PADI1: variants seen among roughly 807,000 people sequenced by gnomAD.
The protein encoded by PADI1 is peptidyl arginine deiminase 1.
In PADI1, 65 loss-of-function variants were observed where a neutral mutation model predicts 74.8. The observed-to-expected ratio is 0.87, with a 90% CI of 0.71 to 1.07. PADI1 has a LOEUF of 1.07. Among genes scored for constraint, PADI1 ranks in the 50% least tolerant of loss-of-function variants. PADI1 has a pLI of 0.00. For missense variants in PADI1, 943 were observed against 854.0 expected (o/e 1.10, Z -1.30); for synonymous variants, 371 against 336.2 (o/e 1.10, Z -1.13).
intron 1 of PADI1, among the ~76,000 whole-genome samples, chr1:17,217,104 G>T (rs1457067704): frequency 6.6e-6 from 1 of 152,028 alleles, no homozygotes; most frequent in Admixed American, 6.5e-5. Flanking sequence ...CAGGTGCGCT[G>T]GGGCCAGCCG....
intron 1 of PADI1, among the ~76,000 whole-genome samples, chr1:17,214,948 G>A (rs1385512653): frequency 2.0e-5 from 3 of 152,222 alleles, no homozygotes; most frequent in Admixed American, 6.5e-5. Context: ...CCCTCCTCCT[G>A]CCTCTTCCTG....
chr1:17,211,295 C>T (rs1174506008), intron 1 of PADI1, among the ~76,000 whole-genome samples: 2 of 152,076 alleles, frequency 1.3e-5, no homozygotes, highest in African/African-American at 4.8e-5. Flanking sequence ...CTGCAACCTC[C>T]GCCTCCCAGG....
chr1:17,237,027 A>G (rs1168603359), intron 11 of PADI1, among the ~76,000 whole-genome samples: 1 of 152,214 alleles, frequency 6.6e-6, no homozygotes, highest in African/African-American at 2.4e-5. Context: ...AGCACGCTTC[A>G]GATGTAACTT....
In PADI1 at chr1:17,244,058, G is replaced by A. The variant is rs1458490249; in HGVS notation, c.1807G>A (p.Gly603Arg). 11 of 1,614,084 alleles carry A rather than the reference G, an allele frequency of 6.8e-6. No individual in the cohort carries two copies. The highest frequency in any genetic ancestry group is 9.3e-6 in the Non-Finnish European group (11 of 1,180,040). Reference protein sequence around the residue: ...GKYLGIPKPYGPIINGRCCLE... With the variant: ...GKYLGIPKPYRPIINGRCCLE... The stretch of plus-strand genomic sequence containing the variant: ...GTACCTGGGCATCCCCAAGCCCTAC[G>A]GGCCCATCATCAATGGCCGCTGCTG... Residue 603 changes from glycine to arginine, a missense_variant, in exon 16 of 16, where the codon GGG becomes AGG. Transcript: ENST00000375471.
intron 15 of PADI1, among the ~76,000 whole-genome samples, chr1:17,243,360 G>T (rs1198424158): frequency 6.6e-6 from 1 of 152,198 alleles, no homozygotes; most frequent in African/African-American, 2.4e-5. Context: ...TCCCACAGGT[G>T]GCCAGATAAA....
At chr1:17,233,672 C>T (rs1238204883) in intron 11 of PADI1, among the ~76,000 whole-genome samples, 1 of 152,216 alleles carries the variant, frequency 6.6e-6, no homozygotes, top group Non-Finnish European at 1.5e-5. Flanking sequence ...GGAGATGACA[C>T]CCACTGTAAG....
chr1:17,223,598 A>G lies in PADI1; in HGVS notation c.274-23A>G, dbSNP rs1165598497. The G allele has an allele frequency of 1.9e-6, 3 of 1,602,048 alleles. No individual in the cohort carries two copies. The South Asian group carries it at 3.3e-5, about 18-fold the overall frequency. On this transcript the variant is annotated intron_variant, in intron 2 of 15. Transcript: ENST00000375471. ...CCATCTCTGAAGGTGATGGCCGTGC[A>G]GGCTTAGGGCTATGTTCTGCAGGTG...
At chr1:17,208,535 T>C (rs1434846287) in intron 1 of PADI1, among the ~76,000 whole-genome samples, 1 of 56,658 alleles carries the variant, frequency 1.8e-5, no homozygotes, top group Non-Finnish European at 3.3e-5. Flanking sequence ...CCCACCCCAG[T>C]AGGCTAGCCC....
intron 1 of PADI1, among the ~76,000 whole-genome samples, chr1:17,208,164 G>A (rs758051761): frequency 2.0e-5 from 3 of 152,222 alleles, no homozygotes; most frequent in Non-Finnish European, 2.9e-5. Flanking sequence ...AAGAGGAGGT[G>A]TTGCCAGTCA....
chr1:17,242,380 A>G (rs533285062), intron 15 of PADI1, among the ~76,000 whole-genome samples: 23 of 152,378 alleles, frequency 1.5e-4, no homozygotes, highest in Non-Finnish European at 7.3e-5. Flanking sequence ...GCTAGTGTCA[A>G]TGAAGAACAG....
chr1:17,222,184 G>A (rs1460364585), intron 1 of PADI1, 106 bp from the exon 2 acceptor site: 2 of 741,592 alleles, frequency 2.7e-6, no homozygotes, highest in Admixed American at 2.6e-5. Context: ...CTGTTGAGGG[G>A]TGCCATTTGA....
intron 13 of PADI1, among the ~76,000 whole-genome samples, chr1:17,239,363 AGAT>A (rs753529844): frequency 4.6e-5 from 7 of 152,202 alleles, no homozygotes; most frequent in Non-Finnish European, 8.8e-5. Flanking sequence ...TCTGAGTTGT[AGAT>A]GATAATTAAT....
chr1:17,226,289 G>T, intron 6 of PADI1, 131 bp downstream of exon 6: 1 of 966,500 alleles, frequency 1.0e-6, no homozygotes, highest in Non-Finnish European at 1.6e-6. Flanking sequence ...CACTCCATCA[G>T]TACCAAATAT....
chr1:17,227,235 C>CA (rs59052605), intron 6 of PADI1, among the ~76,000 whole-genome samples: 1,246 of 76,236 alleles, frequency 0.016, 24 homozygotes, highest in African/African-American at 0.047. Flanking sequence ...GACTTCATCT[C>CA]AAAAAAAAAA....
chr1:17,215,599 G>A (rs142102734), intron 1 of PADI1, among the ~76,000 whole-genome samples: 54 of 152,190 alleles, frequency 3.5e-4, no homozygotes, highest in African/African-American at 1.3e-3. Context: ...TGCCAGCTGG[G>A]TGCCCTGGGC....
At chr1:17,206,683 C>CTTT (rs796276122) in intron 1 of PADI1, among the ~76,000 whole-genome samples, 49 of 109,758 alleles carry the variant, frequency 4.5e-4, no homozygotes, top group Non-Finnish European at 7.2e-4. Flanking sequence ...TTTTCTTTTT[C>CTTT]TTTTTTTTTT....
intron 1 of PADI1, 62 bp downstream of exon 1, chr1:17,205,371 G>C (rs2071658001): frequency 7.6e-7 from 1 of 1,322,650 alleles, no homozygotes; most frequent in African/African-American, 1.4e-5. Flanking sequence ...AGTCAATGGG[G>C]TGGGTGCCTG....
In PADI1 at chr1:17,228,737, C is replaced by T. The variant is rs1301784489; in HGVS notation, c.765C>T (p.Thr255=). The change falls in exon 7 of 16, where the codon ACC becomes ACT. Residue 255 remains threonine, a synonymous_variant. Coordinates refer to ENST00000375471, the MANE Select transcript of PADI1 (RefSeq NM_013358.3). ...QEIKFYVEGL[T]FPDADFLGLV... Reference sequence around the variant, plus strand: ...TCAAGTTCTATGTGGAGGGGCTGACCTTCCCCGATGCCGATTTCCTAGGGC... The same window carrying T: ...TCAAGTTCTATGTGGAGGGGCTGACTTTCCCCGATGCCGATTTCCTAGGGC... 6.2e-7 allele frequency: 1 copy of T among 1,614,206 alleles called. No homozygotes were observed. The highest frequency in any genetic ancestry group is 2.2e-5 in the East Asian group (1 of 44,882).
intron 10 of PADI1, among the ~76,000 whole-genome samples, chr1:17,231,823 A>G (rs1191335022): frequency 6.6e-6 from 1 of 151,888 alleles, no homozygotes; most frequent in Non-Finnish European, 1.5e-5. Context: ...TACATGTGCC[A>G]TGTTGGTGTG....
Sources: gnomAD v4.1 joint callset for allele counts (sites outside exome capture counted in the v4.1 genomes callset) on GRCh38, gnomAD v4.1.1 for gene constraint, MANE v1.5 for transcripts, NCBI Gene and HGNC (gene_info 2026-07-23, HGNC 2026-07-21) for gene names.